Variants in KATNAL1 observed in about 807,000 individuals in gnomAD.
KATNAL1 encodes the protein katanin p60 ATPase-containing subunit A-like 1.
Under a neutral mutation model 55.2 loss-of-function variants are expected in KATNAL1, and 32 were observed. The observed-to-expected ratio is 0.58, with a 90% CI of 0.44 to 0.78. The LOEUF (loss-of-function observed/expected upper bound fraction) is 0.78. KATNAL1 is among the 30% of genes least tolerant of loss of function. The pLI is 0.00. For synonymous variants in KATNAL1, 193 were observed against 193.6 expected, an observed-to-expected ratio of 1.00 and a Z score of 0.02; for missense variants, 466 against 600.9, an observed-to-expected ratio of 0.78 and a Z score of 2.35.
intron 9 of KATNAL1, among the ~76,000 whole-genome samples, chr13:30,225,496 C>G (rs998749338): frequency 6.6e-6 from 1 of 151,930 alleles, no homozygotes; most frequent in African/African-American, 2.4e-5. Flanking sequence ...ATTTAAAATA[C>G]AATGGAACAG....
chr13:30,283,929 G>A (rs1881599620), intron 1 of KATNAL1, 138 bp from the exon 2 acceptor site: 1 of 609,128 alleles, frequency 1.6e-6, no homozygotes, highest in South Asian at 2.4e-5. Flanking sequence ...AGATTGGAGT[G>A]CAGCAGCATG....
intron 3 of KATNAL1, among the ~76,000 whole-genome samples, chr13:30,257,459 T>A (rs1878888968): frequency 6.6e-6 from 1 of 152,196 alleles, no homozygotes; most frequent in Non-Finnish European, 1.5e-5. Flanking sequence ...AGCAATCCCA[T>A]CCCTCCCAGC....
chr13:30,255,620 C>CAA lies in KATNAL1; in HGVS notation c.324-7_324-6dup, dbSNP rs11348486. 1.9e-4 allele frequency: 210 copies of CAA among 1,083,000 alleles called. No individual in the cohort carries two copies. The highest frequency in any genetic ancestry group is 8.1e-4 in the South Asian group (22 of 27,278). 67.1% of individuals were successfully genotyped at this position (1,083,000 alleles called of 1,614,324 possible). ...CGCCTGATCTGAGGTGGAGCTCTGA[C>CAA]AAAAAAAAAAAAAAAAAAATTAAAA... On this transcript the variant is annotated splice_polypyrimidine_tract_variant and splice_region_variant and intron_variant, in intron 3 of 10. Transcript: ENST00000380615.
chr13:30,301,285 T>C (rs116152242), intron 1 of KATNAL1, among the ~76,000 whole-genome samples: 6,781 of 152,102 alleles, frequency 0.045, 406 homozygotes, highest in African/African-American at 0.13. Flanking sequence ...CGGCAGAAGC[T>C]TGAACCCAGG....
At chr13:30,230,711 C>T (rs1876015331) in intron 7 of KATNAL1, 117 bp from the exon 8 acceptor site, 2 of 721,842 alleles carry the variant, frequency 2.8e-6, no homozygotes, top group Non-Finnish European at 4.4e-6. Flanking sequence ...TGTTTTAATG[C>T]CATCATCTGG....
At chr13:30,271,878 G>GAAAAAAAAAAAAAAAAAAAAAAA (rs71299873) in intron 3 of KATNAL1, among the ~76,000 whole-genome samples, 11 of 76,782 alleles carry the variant, frequency 1.4e-4, no homozygotes, top group Non-Finnish European at 2.5e-4. Flanking sequence ...AAGAAAAGAG[G>GAAAAAAAAAAAAAAAAAAAAAAA]AAAAAAAAAA....
At position 30,280,239 on chromosome 13, in the gene KATNAL1, T is replaced by C. The variant is rs763573264; in HGVS notation, c.163-16A>G. ...CCTGCCGAACCTTAAAAAAAAAAAA[T>C]AGGCTTTATGCTAGAAGCTGTTTAA... On this transcript the variant is annotated splice_polypyrimidine_tract_variant and intron_variant, in intron 2 of 10. Coordinates refer to ENST00000380615, the MANE Select transcript of KATNAL1 (RefSeq NM_032116.5). 6.9e-6 allele frequency: 10 copies of C among 1,447,806 alleles called. No homozygotes were observed. Among genetic ancestry groups the C allele is most frequent in the South Asian group, 1.3e-5 (1 of 76,824 alleles). 89.7% of individuals were successfully genotyped at this position (1,447,806 alleles called of 1,614,324 possible).
intron 1 of KATNAL1, among the ~76,000 whole-genome samples, chr13:30,297,938 T>C (rs1280677946): frequency 1.3e-5 from 2 of 152,210 alleles, no homozygotes; most frequent in African/African-American, 4.8e-5. Context: ...GGTGACGGGA[T>C]CATTCATATC....
intron 4 of KATNAL1, among the ~76,000 whole-genome samples, chr13:30,252,538 T>G (rs1878416681): frequency 6.6e-6 from 1 of 152,200 alleles, no homozygotes; most frequent in South Asian, 2.1e-4. Flanking sequence ...CATGAGCTGG[T>G]GTACATAAAC....
At chr13:30,242,805 A>G (rs1306278542) in intron 4 of KATNAL1, among the ~76,000 whole-genome samples, 1 of 152,168 alleles carries the variant, frequency 6.6e-6, no homozygotes, top group Non-Finnish European at 1.5e-5. Flanking sequence ...GAGGACTACA[A>G]AAAAGATTCT....
intron 3 of KATNAL1, among the ~76,000 whole-genome samples, chr13:30,259,842 C>T (rs898799100): frequency 1.5e-4 from 23 of 152,164 alleles, no homozygotes; most frequent in African/African-American, 4.8e-4. Context: ...ACAAAGCAGC[C>T]GGGAAGCTCG....
At chr13:30,277,943 A>G (rs1366287059) in intron 3 of KATNAL1, among the ~76,000 whole-genome samples, 1 of 134,600 alleles carries the variant, frequency 7.4e-6, no homozygotes, top group Non-Finnish European at 1.5e-5. Flanking sequence ...AGATTGCGCC[A>G]CTGCACTCCA....
chr13:30,215,270 A>C (rs1450041590), intron 9 of KATNAL1, among the ~76,000 whole-genome samples: 1 of 152,056 alleles, frequency 6.6e-6, no homozygotes, highest in Non-Finnish European at 1.5e-5. Flanking sequence ...AAAAGTCAGG[A>C]AACAACAGGT....
chr13:30,277,027 G>A (rs889456191), intron 3 of KATNAL1, among the ~76,000 whole-genome samples: 2 of 152,166 alleles, frequency 1.3e-5, no homozygotes, highest in African/African-American at 2.4e-5. Context: ...CATACAGGAA[G>A]TGACTAATAA....
At chr13:30,211,590 T>A (rs1873694958) in intron 9 of KATNAL1, among the ~76,000 whole-genome samples, 1 of 152,214 alleles carries the variant, frequency 6.6e-6, no homozygotes, top group Non-Finnish European at 1.5e-5. Context: ...TTCCCCAGTG[T>A]TTACTTTTTG....
intron 10 of KATNAL1, 82 bp downstream of exon 10, chr13:30,210,234 G>A (rs1873542554): frequency 1.6e-6 from 2 of 1,218,200 alleles, no homozygotes; most frequent in South Asian, 1.9e-5. Context: ...AACTACACTG[G>A]GCTAACTACA....
intron 3 of KATNAL1, among the ~76,000 whole-genome samples, chr13:30,271,038 T>G (rs1306894761): frequency 1.3e-5 from 2 of 152,094 alleles, no homozygotes; most frequent in Non-Finnish European, 2.9e-5. Flanking sequence ...GTGAGTGACA[T>G]TTGAACAAAT....
chr13:30,287,966 G>A (rs1263442504), intron 1 of KATNAL1, among the ~76,000 whole-genome samples: 1 of 152,082 alleles, frequency 6.6e-6, no homozygotes, highest in Non-Finnish European at 1.5e-5. Context: ...TCTTATCGAT[G>A]CAATTCAAAA....
At chr13:30,242,790 C>T (rs889122481) in intron 4 of KATNAL1, among the ~76,000 whole-genome samples, 2 of 151,466 alleles carry the variant, frequency 1.3e-5, no homozygotes, top group Non-Finnish European at 2.9e-5. Context: ...ACTTGAATAC[C>T]GATCGAGGAC....
Sources: allele counts gnomAD v4.1 joint callset (sites outside exome capture counted in the v4.1 genomes callset), GRCh38; gene constraint gnomAD v4.1.1; transcripts MANE v1.5; gene names NCBI Gene and HGNC (gene_info 2026-07-23, HGNC 2026-07-21).